ROBO1: variants seen among roughly 807,000 people sequenced by gnomAD.
ROBO1 encodes the protein roundabout guidance receptor 1.
In ROBO1, 149 loss-of-function variants were observed where a neutral mutation model predicts 195.9. The observed-to-expected ratio is 0.76, with a 90% CI of 0.67 to 0.87. The LOEUF is 0.87. Among genes scored for constraint, ROBO1 ranks in the 40% least tolerant of loss-of-function variants. The pLI is 0.00. For missense variants in ROBO1, 1,933 were observed against 2,068.3 expected (o/e 0.93, Z 1.27); for synonymous variants, 816 against 733.2 (o/e 1.11, Z -1.82).
chr3:78,703,254 C>T (rs9874708), intron 8 of ROBO1, among the ~76,000 whole-genome samples: 2,369 of 152,182 alleles, frequency 0.016, 28 homozygotes, highest in Non-Finnish European at 0.023. Context: ...TACTGGGTCT[C>T]AATCAAATGA....
intron 2 of ROBO1, among the ~76,000 whole-genome samples, chr3:79,221,610 G>A (rs558143939): frequency 6.6e-6 from 1 of 152,182 alleles, no homozygotes; most frequent in South Asian, 2.1e-4. Flanking sequence ...ATTCAACAAT[G>A]GCTTTGCCAA....
intron 2 of ROBO1, among the ~76,000 whole-genome samples, chr3:79,433,654 C>T (rs2038769444): frequency 1.3e-5 from 2 of 152,100 alleles, no homozygotes. Context: ...TCAATGCCAT[C>T]CCCATCAAGC....
chr3:78,649,450 T>C (rs934517748), intron 19 of ROBO1, among the ~76,000 whole-genome samples: 1 of 152,176 alleles, frequency 6.6e-6, no homozygotes, highest in Admixed American at 6.5e-5. Flanking sequence ...CCCAGCGAAC[T>C]GGCAGATGTC....
chr3:79,139,755 CTT>C (rs370452123), intron 2 of ROBO1, among the ~76,000 whole-genome samples: 4 of 152,078 alleles, frequency 2.6e-5, no homozygotes, highest in Non-Finnish European at 4.4e-5. Context: ...CGTCTGTTGA[CTT>C]TTTTTGTTAT....
chr3:78,887,580 G>A (rs1304529449), intron 4 of ROBO1, among the ~76,000 whole-genome samples: 1 of 152,178 alleles, frequency 6.6e-6, no homozygotes, highest in African/African-American at 2.4e-5. Flanking sequence ...AGATATTTAA[G>A]TCCAAGGATA....
intron 3 of ROBO1, among the ~76,000 whole-genome samples, chr3:79,100,758 T>C (rs1033650404): frequency 6.6e-6 from 1 of 151,788 alleles, no homozygotes; most frequent in African/African-American, 2.4e-5. Context: ...AGGTCTCTAA[T>C]AAAGATATTT....
chr3:78,624,372 C>CACTT (rs1704632606), intron 26 of ROBO1, among the ~76,000 whole-genome samples: 1 of 152,040 alleles, frequency 6.6e-6, no homozygotes, highest in Admixed American at 6.6e-5. Flanking sequence ...AATGGGCTTT[C>CACTT]ACTTACTTTT....
At chr3:79,050,526 C>G (rs2078676775) in intron 3 of ROBO1, among the ~76,000 whole-genome samples, 1 of 152,124 alleles carries the variant, frequency 6.6e-6, no homozygotes, top group African/African-American at 2.4e-5. Context: ...AGGACTTGAA[C>G]TCAGCTTTGG....
intron 1 of ROBO1, among the ~76,000 whole-genome samples, chr3:79,738,887 G>A (rs1576303812): frequency 6.6e-6 from 1 of 152,094 alleles, no homozygotes; most frequent in Non-Finnish European, 1.5e-5. Context: ...AATAGATAGG[G>A]GCAGTCCAAT....
intron 2 of ROBO1, among the ~76,000 whole-genome samples, chr3:79,200,978 T>A (rs1411726519): frequency 6.6e-6 from 1 of 152,058 alleles, no homozygotes; most frequent in East Asian, 1.9e-4. Context: ...GGTGAAATTT[T>A]CTTGTGAATG....
intron 2 of ROBO1, among the ~76,000 whole-genome samples, chr3:79,466,844 T>C (rs1379411938): frequency 6.6e-6 from 1 of 152,220 alleles, no homozygotes. Flanking sequence ...TCAAAAATAG[T>C]GTTCTCTGTA....
chr3:79,089,537 GTTGAGA>G (rs1434580066), intron 3 of ROBO1, among the ~76,000 whole-genome samples: 1 of 152,062 alleles, frequency 6.6e-6, no homozygotes, highest in East Asian at 1.9e-4. Flanking sequence ...TTATCATGCT[GTTGAGA>G]TTAAGTTCTA....
chr3:79,012,954 G>A (rs1327269685), intron 3 of ROBO1, among the ~76,000 whole-genome samples: 3 of 152,070 alleles, frequency 2.0e-5, no homozygotes, highest in Non-Finnish European at 4.4e-5. Flanking sequence ...GTAAAGAATG[G>A]AGGTAGCCTT....
chr3:78,880,515 GACTC>G (rs1440013187), intron 4 of ROBO1, among the ~76,000 whole-genome samples: 2 of 152,032 alleles, frequency 1.3e-5, no homozygotes, highest in African/African-American at 4.8e-5. Context: ...AATAATCACA[GACTC>G]ACTAATTGAA....
At chr3:78,998,254 C>T (rs762743532) in intron 3 of ROBO1, among the ~76,000 whole-genome samples, 5 of 152,040 alleles carry the variant, frequency 3.3e-5, no homozygotes, top group Admixed American at 6.6e-5. Context: ...ATAACACATA[C>T]GTCTAATCTT....
chr3:78,957,570 A>G lies in ROBO1; in HGVS notation c.173-18643T>C, dbSNP rs144663406. On this transcript the variant is annotated intron_variant, in intron 3 of 30. Transcript: ENST00000464233. Reference sequence around the variant, plus strand: ...ATGAGTGGGAGCAAATGCCTTCGACAAAAATAAGCTTTCCTGGAAATGTGA... The same window carrying G: ...ATGAGTGGGAGCAAATGCCTTCGACGAAAATAAGCTTTCCTGGAAATGTGA... Among the ~76,000 whole-genome samples the G allele has an allele frequency of 4.8e-3, 728 of 152,316 alleles. 7 individuals are homozygous for G. Among genetic ancestry groups the G allele is most frequent in the African/African-American group, 0.017 (701 of 41,570 alleles).
intron 2 of ROBO1, among the ~76,000 whole-genome samples, chr3:79,176,714 C>T (rs1424120146): frequency 6.6e-6 from 1 of 152,076 alleles, no homozygotes; most frequent in African/African-American, 2.4e-5. Flanking sequence ...CCCAGCTCGG[C>T]CCCCCAAAGG....
At chr3:78,721,952 A>G (rs1430872249) in intron 5 of ROBO1, among the ~76,000 whole-genome samples, 1 of 152,182 alleles carries the variant, frequency 6.6e-6, no homozygotes, top group South Asian at 2.1e-4. Flanking sequence ...GGGCACTGCC[A>G]GGAGATTCAC....
intron 2 of ROBO1, among the ~76,000 whole-genome samples, chr3:79,419,647 T>G (rs2038143198): frequency 6.6e-6 from 1 of 152,134 alleles, no homozygotes; most frequent in African/African-American, 2.4e-5. Context: ...TGACAGGAAT[T>G]GATGTTCATC....
Sources: allele counts gnomAD v4.1 joint callset (sites outside exome capture counted in the v4.1 genomes callset), GRCh38; gene constraint gnomAD v4.1.1; transcripts MANE v1.5; gene names NCBI Gene and HGNC (gene_info 2026-07-23, HGNC 2026-07-21).